RNF122: variants seen among roughly 807,000 people sequenced by gnomAD.
RNF122 encodes the protein ring finger protein 122.
RNF122 carries 17 observed loss-of-function variants against 24.2 expected under a neutral mutation model. The observed-to-expected ratio is 0.70, with a 90% confidence interval of 0.48 to 1.06. RNF122 has a LOEUF of 1.06. RNF122 is among the 50% of genes least tolerant of loss of function. The pLI, the probability that RNF122 is intolerant of heterozygous loss-of-function variation, is 0.00. For synonymous variants in RNF122, 65 were observed against 71.8 expected (o/e 0.91, Z 0.48); for missense variants, 168 against 198.1 (o/e 0.85, Z 0.91).
intron 5 of RNF122, among the ~76,000 whole-genome samples, 188 bp downstream of exon 5, chr8:33,549,221 CA>C (rs377477701): frequency 6.4e-5 from 9 of 141,718 alleles, no homozygotes; most frequent in Admixed American, 1.4e-4. Flanking sequence ...AACTCCAACT[CA>C]AAAAAAAAAG....
chr8:33,554,489 G>T (rs573170473), intron 2 of RNF122, among the ~76,000 whole-genome samples: 1 of 152,160 alleles, frequency 6.6e-6, no homozygotes, highest in African/African-American at 2.4e-5. Flanking sequence ...ACAGGGAGGG[G>T]CATCAGAGCT....
At chr8:33,551,415 G>T (rs775547257) in intron 2 of RNF122, 26 bp from the exon 3 acceptor site, 2 of 1,613,584 alleles carry the variant, frequency 1.2e-6, no homozygotes, top group Admixed American at 3.3e-5. Context: ...AAAAATTAGA[G>T]AAAGCAGGTT....
At chr8:33,557,159 A>G (rs1171384023) in intron 2 of RNF122, among the ~76,000 whole-genome samples, 3 of 152,228 alleles carry the variant, frequency 2.0e-5, no homozygotes, top group Non-Finnish European at 4.4e-5. Context: ...AATGGCCACA[A>G]TGGCCCTAAA....
intron 3 of RNF122, 68 bp downstream of exon 3, chr8:33,551,276 G>A: frequency 6.3e-7 from 1 of 1,580,546 alleles, no homozygotes; most frequent in Non-Finnish European, 8.7e-7. Flanking sequence ...ACCTGAGCCT[G>A]CCCTCCTTGC....
At chr8:33,559,509 G>C (rs1205863502) in intron 1 of RNF122, among the ~76,000 whole-genome samples, 2 of 152,130 alleles carry the variant, frequency 1.3e-5, no homozygotes, top group African/African-American at 4.8e-5. Context: ...AAAATAGAGA[G>C]AGGAATGAAA....
chr8:33,548,726 C>T lies in RNF122; in HGVS notation c.*27G>A. On this transcript the variant is annotated 3_prime_UTR_variant, in exon 6 of 6. Transcript: ENST00000256257. ...AGACATCCATGAGGCAAGAGGTCTT[C>T]TCCAGGTCTCGGTGTAGCGGCAGCA... The T allele has an allele frequency of 1.4e-6, 2 of 1,447,736 alleles. No individual in the cohort carries two copies. The highest frequency in any genetic ancestry group is 1.9e-6 in the Non-Finnish European group (2 of 1,028,374). The allele number at this position is 1,447,736 out of a possible 1,614,324, so 89.7% of individuals were successfully genotyped here. A position where few individuals can be genotyped will look rare whatever the true frequency, so the allele number is the denominator to read the frequency against.
chr8:33,556,105 G>A (rs1810447111), intron 2 of RNF122, among the ~76,000 whole-genome samples: 1 of 148,942 alleles, frequency 6.7e-6, no homozygotes, highest in South Asian at 2.1e-4. Context: ...GCTTGGGCCC[G>A]GGAGGTGGAG....
chr8:33,549,368 T>A, intron 5 of RNF122, 42 bp downstream of exon 5: 1 of 1,509,192 alleles, frequency 6.6e-7, no homozygotes, highest in African/African-American at 1.4e-5. Context: ...GCTCCCTGAT[T>A]ATTTCTCCTT....
rs923015716 is a variant in RNF122 at position 33,548,037 on chromosome 8, T to C, written c.*716A>G. On this transcript the variant is annotated 3_prime_UTR_variant, in exon 6 of 6. Coordinates refer to ENST00000256257, the MANE Select transcript of RNF122 (RefSeq NM_024787.3). ...CTGGGAATCAATTTAAGTATAGAAC[T>C]AGCCCTCCTCTAGAGGGGCCCACAA... is the stretch of plus-strand genomic sequence containing the variant. 3.5e-5 allele frequency: 4 copies of C among 115,880 alleles called. No homozygotes were observed. The highest frequency in any genetic ancestry group is 3.3e-4 in the South Asian group (1 of 2,990). The allele number at this position is 115,880 out of a possible 1,614,324, so 7.2% of individuals were successfully genotyped here.
intron 1 of RNF122, among the ~76,000 whole-genome samples, chr8:33,562,772 A>T (rs1810557872): frequency 6.6e-6 from 1 of 151,292 alleles, no homozygotes; most frequent in Non-Finnish European, 1.5e-5. Flanking sequence ...AAAATACAAA[A>T]ATTAGCTGGG....
In RNF122 at chr8:33,548,795, C is replaced by T. The variant is rs1451945660; in HGVS notation, c.426G>A (p.Glu142=). 6.2e-7 allele frequency: 1 copy of T among 1,614,008 alleles called. No homozygotes were observed. Among genetic ancestry groups the T allele is most frequent in the South Asian group, 1.1e-5 (1 of 91,076 alleles). The change falls in exon 6 of 6, where the codon GAG becomes GAA. Residue 142 remains glutamate, a synonymous_variant. Transcript: ENST00000256257. ...MCNKPIASPS[E]ATQNIGILLD... Reference sequence around the variant, plus strand: ...ATAGAATCCCAATGTTCTGCGTGGCCTCTGAGGGACTAGCAATGGGCTTGT... The same window carrying T: ...ATAGAATCCCAATGTTCTGCGTGGCTTCTGAGGGACTAGCAATGGGCTTGT...
chr8:33,564,786 C>T (rs538854833), intron 1 of RNF122, among the ~76,000 whole-genome samples: 26 of 152,150 alleles, frequency 1.7e-4, no homozygotes, highest in African/African-American at 5.1e-4. Context: ...GCAGGAGAAC[C>T]GCTTGAACCC....
intron 1 of RNF122, 86 bp downstream of exon 1, chr8:33,566,613 A>C: frequency 7.2e-7 from 1 of 1,385,662 alleles, no homozygotes; most frequent in Admixed American, 2.0e-5. Flanking sequence ...CCGAGGGAGG[A>C]CCAGCGCGCT....
chr8:33,565,180 C>T (rs1810603564), intron 1 of RNF122, among the ~76,000 whole-genome samples: 1 of 152,164 alleles, frequency 6.6e-6, no homozygotes, highest in African/African-American at 2.4e-5. Context: ...CCTTCCTCAA[C>T]CCCCATCCTC....
At chr8:33,557,417 G>A (rs1810471218) in intron 2 of RNF122, among the ~76,000 whole-genome samples, 1 of 152,106 alleles carries the variant, frequency 6.6e-6, no homozygotes, top group South Asian at 2.1e-4. Flanking sequence ...ATGACTTGAG[G>A]TCAGGAGTTC....
chr8:33,549,284 G>C, intron 5 of RNF122, 126 bp downstream of exon 5: 2 of 766,000 alleles, frequency 2.6e-6, no homozygotes, highest in South Asian at 3.0e-5. Flanking sequence ...TTTGCTCGGT[G>C]TTCACGTAGG....
At position 33,558,668 on chromosome 8, in the gene RNF122, G is replaced by T; in HGVS notation, c.129C>A (p.Gly43=). The T allele has an allele frequency of 6.2e-7, 1 of 1,612,128 alleles. No individual in the cohort carries two copies. The highest frequency in any genetic ancestry group is 2.2e-5 in the East Asian group (1 of 44,864). Residue 43 remains glycine, a synonymous_variant, in exon 2 of 6, where the codon GGC becomes GGA. Coordinates refer to ENST00000256257, the MANE Select transcript of RNF122 (RefSeq NM_024787.3). The stretch of plus-strand genomic sequence containing the variant: ...TGAGCATGAAGACAAAGATGCCTGT[G>T]CCGAAGATGACCATATAGATGTTGA... ...LPLNIYMVIF[G]TGIFVFMLSL...
chr8:33,562,651 C>CAGTG (rs911636146), intron 1 of RNF122, among the ~76,000 whole-genome samples: 43 of 151,394 alleles, frequency 2.8e-4, no homozygotes, highest in African/African-American at 1.0e-3. Context: ...AGGCCAGGTG[C>CAGTG]AGTGACTCAC....
Position 33,549,460 on chromosome 8 carries a change from C to T in RNF122, c.303G>A (p.Lys101=). ...GGAGCACGCCTAACTCATCCTTCCC[C>T]TTGAAGTCTTCCAGACAGACTGCGC... ...QTCAVCLEDF[K]GKDELGVLPC... is the part of the protein sequence containing the mutation. Residue 101 remains lysine, a synonymous_variant, in exon 5 of 6, where the codon AAG becomes AAA. Coordinates refer to ENST00000256257, the MANE Select transcript of RNF122 (RefSeq NM_024787.3). 6.2e-7 allele frequency: 1 copy of T among 1,614,190 alleles called. No homozygotes were observed. The highest frequency in any genetic ancestry group is 8.5e-7 in the Non-Finnish European group (1 of 1,180,006).
Sources: gnomAD v4.1 joint callset for allele counts (sites outside exome capture counted in the v4.1 genomes callset) on GRCh38, gnomAD v4.1.1 for gene constraint, MANE v1.5 for transcripts, NCBI Gene and HGNC (gene_info 2026-07-23, HGNC 2026-07-21) for gene names.